EPHA5: variants seen among roughly 807,000 people sequenced by gnomAD.
EPHA5 encodes the protein ephrin type-A receptor 5.
Under a neutral mutation model 105.0 loss-of-function variants are expected in EPHA5, and 60 were observed. The observed-to-expected ratio is 0.57, with a 90% CI of 0.46 to 0.71. The LOEUF (loss-of-function observed/expected upper bound fraction) is 0.71. Ranked by LOEUF, EPHA5 falls within the 30% of genes least tolerant of loss-of-function variation. The pLI is 0.00. For missense variants in EPHA5, 1,218 were observed against 1,274.7 expected (o/e 0.96, Z 0.68); for synonymous variants, 513 against 449.1 (o/e 1.14, Z -1.80).
chr4:65,467,745 T>C (rs917634330), intron 5 of EPHA5, among the ~76,000 whole-genome samples: 2 of 152,112 alleles, frequency 1.3e-5, no homozygotes, highest in Admixed American at 1.3e-4. Context: ...CAAATGGGAA[T>C]TAAAGTTGCA....
chr4:65,484,095 A>G (rs1560591725), intron 5 of EPHA5, among the ~76,000 whole-genome samples: 1 of 152,118 alleles, frequency 6.6e-6, no homozygotes, highest in East Asian at 1.9e-4. Flanking sequence ...ATCAACAAAG[A>G]CCCTGGCACT....
At position 65,435,322 on chromosome 4, in the gene EPHA5, C is replaced by T. The variant is rs747946612; in HGVS notation, c.1403-14757G>A. On this transcript the variant is annotated intron_variant, in intron 5 of 16. Transcript: ENST00000613740. ...AAGCATTTTCATTGATGAGTCCATA[C>T]ATATGGGCTAAGAATAATATTTACA... 6.6e-5 allele frequency among the ~76,000 whole-genome samples: 10 copies of T among 152,052 alleles called. 1 individual carries two copies. Among genetic ancestry groups the T allele is most frequent in the Non-Finnish European group, 1.2e-4 (8 of 67,990 alleles).
At chr4:65,482,046 C>T (rs1730415186) in intron 5 of EPHA5, among the ~76,000 whole-genome samples, 1 of 152,018 alleles carries the variant, frequency 6.6e-6, no homozygotes, top group African/African-American at 2.4e-5. Context: ...GCCTGTAATC[C>T]CAGCACTTTG....
At chr4:65,405,195 G>A (rs896215) in intron 7 of EPHA5, among the ~76,000 whole-genome samples, 1 of 151,930 alleles carries the variant, frequency 6.6e-6, no homozygotes, top group African/African-American at 2.4e-5. Flanking sequence ...CATTATAAGA[G>A]GAATATGAAC....
chr4:65,439,105 TACA>T (rs1725766710), intron 5 of EPHA5, among the ~76,000 whole-genome samples: 1 of 152,152 alleles, frequency 6.6e-6, no homozygotes, highest in South Asian at 2.1e-4. Context: ...AAGGAAAAAC[TACA>T]ACTAGCAGTG....
chr4:65,524,250 G>A (rs1735027792), intron 3 of EPHA5, among the ~76,000 whole-genome samples: 1 of 151,716 alleles, frequency 6.6e-6, no homozygotes, highest in Admixed American at 6.6e-5. Context: ...AATAAAGGGA[G>A]AATAAGTCTA....
chr4:65,387,811 T>A (rs1456228345), intron 8 of EPHA5, among the ~76,000 whole-genome samples: 3 of 151,834 alleles, frequency 2.0e-5, no homozygotes, highest in Non-Finnish European at 4.4e-5. Flanking sequence ...TTTTTTTGTA[T>A]GTCTCATTCT....
chr4:65,620,930 A>G (rs1212809755), intron 2 of EPHA5, among the ~76,000 whole-genome samples: 1 of 152,174 alleles, frequency 6.6e-6, no homozygotes, highest in African/African-American at 2.4e-5. Flanking sequence ...CAGAGATAGG[A>G]GGAAAAGAAA....
chr4:65,476,646 C>G (rs545265851), intron 5 of EPHA5, among the ~76,000 whole-genome samples: 46 of 152,232 alleles, frequency 3.0e-4, no homozygotes, highest in African/African-American at 1.1e-3. Flanking sequence ...CTCACTATCT[C>G]AATGACAGGA....
At chr4:65,545,025 G>A (rs1737237961) in intron 3 of EPHA5, among the ~76,000 whole-genome samples, 2 of 151,520 alleles carry the variant, frequency 1.3e-5, no homozygotes, top group African/African-American at 2.4e-5. Flanking sequence ...CAACAAACAA[G>A]GACAGAAAGT....
intron 2 of EPHA5, among the ~76,000 whole-genome samples, chr4:65,605,809 A>G (rs145277349): frequency 9.9e-5 from 15 of 152,254 alleles, no homozygotes; most frequent in Admixed American, 9.8e-4. Flanking sequence ...ATCTAGATAT[A>G]TAAGCTGAGA....
At chr4:65,478,722 G>A (rs1046706371) in intron 5 of EPHA5, among the ~76,000 whole-genome samples, 1 of 152,052 alleles carries the variant, frequency 6.6e-6, no homozygotes, top group Non-Finnish European at 1.5e-5. Context: ...TCTGCCCACC[G>A]AGGCCTCCCA....
chr4:65,595,046 A>C (rs1743030413), intron 3 of EPHA5, among the ~76,000 whole-genome samples: 1 of 152,094 alleles, frequency 6.6e-6, no homozygotes, highest in African/African-American at 2.4e-5. Flanking sequence ...TTAATGTATT[A>C]AAATAGATTT....
At chr4:65,510,208 GT>G (rs36099511) in intron 3 of EPHA5, among the ~76,000 whole-genome samples, 127 of 4,956 alleles carry the variant, frequency 0.026, no homozygotes, top group East Asian at 0.17. Context: ...CTAATTTTGT[GT>G]TTTTTTTTTT....
At chr4:65,431,148 G>T (rs766019806) in intron 5 of EPHA5, among the ~76,000 whole-genome samples, 1 of 151,942 alleles carries the variant, frequency 6.6e-6, no homozygotes, top group Admixed American at 6.6e-5. Context: ...AACGATTAAC[G>T]GTACACACAA....
intron 3 of EPHA5, among the ~76,000 whole-genome samples, chr4:65,553,957 G>A (rs982511959): frequency 1.3e-5 from 2 of 151,966 alleles, no homozygotes; most frequent in African/African-American, 2.4e-5. Flanking sequence ...GTACAAAGCA[G>A]ACATATATAA....
chr4:65,359,303 T>C (rs536156983), intron 11 of EPHA5, among the ~76,000 whole-genome samples: 36 of 151,748 alleles, frequency 2.4e-4, no homozygotes, highest in African/African-American at 8.2e-4. Flanking sequence ...GTTGTTTATG[T>C]ATATCATTGT....
intron 3 of EPHA5, among the ~76,000 whole-genome samples, chr4:65,534,021 C>T (rs927397951): frequency 1.3e-5 from 2 of 152,056 alleles, no homozygotes; most frequent in African/African-American, 4.8e-5. Context: ...ATCAGATACT[C>T]TGCATTACTG....
At chr4:65,398,655 C>T (rs1721500320) in intron 8 of EPHA5, among the ~76,000 whole-genome samples, 1 of 152,192 alleles carries the variant, frequency 6.6e-6, no homozygotes, top group South Asian at 2.1e-4. Flanking sequence ...AAACCCTGGA[C>T]TCAGCCAGAC....
Sources: gnomAD v4.1 joint callset for allele counts (sites outside exome capture counted in the v4.1 genomes callset) on GRCh38, gnomAD v4.1.1 for gene constraint, MANE v1.5 for transcripts, NCBI Gene and HGNC (gene_info 2026-07-23, HGNC 2026-07-21) for gene names.